The following F10 variants were observed in gnomAD, a reference collection of about 807,000 sequenced individuals.
F10 encodes Stuart-Prower factor.
Under a neutral mutation model 37.1 loss-of-function variants are expected in F10, and 29 were observed. The observed-to-expected ratio is 0.78, with a 90% confidence interval of 0.58 to 1.07. F10 has a LOEUF of 1.07. Among genes scored for constraint, F10 ranks in the 50% least tolerant of loss-of-function variants. The pLI, the probability that F10 is intolerant of heterozygous loss-of-function variation, is 0.00. For missense variants in F10, 539 were observed against 667.9 expected (o/e 0.81, Z 2.13); for synonymous variants, 262 against 268.6 (o/e 0.98, Z 0.24).
chr13:113,126,510 A>T (rs1236766470), intron 1 of F10, among the ~76,000 whole-genome samples: 2 of 152,162 alleles, frequency 1.3e-5, no homozygotes, highest in African/African-American at 4.8e-5. Flanking sequence ...CAAGGGATCG[A>T]CCAGAGACAG....
At position 113,144,124 on chromosome 13, in the gene F10, C is replaced by T; in HGVS notation, c.747+29C>T. ...ACAGTAGGATGTCCCCTCGGGCCTG[C>T]TGGAGAGACCACCTGTCCCGCTGTG... On this transcript the variant is annotated intron_variant, in intron 6 of 7. Coordinates refer to ENST00000375559, the MANE Select transcript of F10 (RefSeq NM_000504.4). The surrounding 1 kb of genome is among the most constrained non-coding windows in gnomAD (Gnocchi z 6.4). The T allele has an allele frequency of 3.7e-6, 6 of 1,612,608 alleles. No individual in the cohort carries two copies. The highest frequency in any genetic ancestry group is 5.1e-6 in the Non-Finnish European group (6 of 1,179,916).
intron 2 of F10, chr13:113,131,084 T>C (rs529149623): frequency 1.6e-4 from 25 of 152,324 alleles, no homozygotes; most frequent in African/African-American, 6.0e-4. Flanking sequence ...GATCACCACA[T>C]ATATGACAAG....
chr13:113,145,572 T>C (rs536431474), intron 6 of F10, among the ~76,000 whole-genome samples: 14 of 152,246 alleles, frequency 9.2e-5, no homozygotes, highest in Non-Finnish European at 1.9e-4. Context: ...AAACTAGGTG[T>C]ATTAGTCAGT....
In F10 at chr13:113,141,595, G is replaced by T. The variant is rs536495935; in HGVS notation, c.502+545G>T. 6.6e-6 allele frequency among the ~76,000 whole-genome samples: 1 copy of T among 152,344 alleles called. No individual in the cohort carries two copies. The highest frequency in any genetic ancestry group is 2.1e-4 in the South Asian group (1 of 4,828). ...TGAATGTGGACAACAGGCGGCCAGA[G>T]GGCAGTGAGCACAGGACAGGCAGGG... On this transcript the variant is annotated intron_variant, in intron 5 of 7. Transcript: ENST00000375559. The surrounding 1 kb of genome is among the most constrained non-coding windows in gnomAD (Gnocchi z 5.4).
intron 7 of F10, among the ~76,000 whole-genome samples, chr13:113,147,764 C>T (rs905737243): frequency 6.6e-6 from 1 of 152,074 alleles, no homozygotes; most frequent in Non-Finnish European, 1.5e-5. Context: ...CTCTGGGTCC[C>T]GGGTCTCTGG....
At position 113,141,212 on chromosome 13, in the gene F10, G is replaced by T. The variant is rs2036525144; in HGVS notation, c.502+162G>T. Among the ~76,000 whole-genome samples, 1 of 152,198 alleles carries T rather than the reference G, an allele frequency of 6.6e-6. No individual in the cohort carries two copies. The highest frequency in any genetic ancestry group is 1.5e-5 in the Non-Finnish European group (1 of 68,034). ...TGAGCCCTGGGCTCCGGGCCCAGGT[G>T]GTTCAAACATGAAGACCATGAGGTT... On this transcript the variant is annotated intron_variant, in intron 5 of 7. Coordinates refer to ENST00000375559, the MANE Select transcript of F10 (RefSeq NM_000504.4). The surrounding 1 kb of genome is among the most constrained non-coding windows in gnomAD (Gnocchi z 5.4).
At chr13:113,148,399 T>TATACACACAC (rs138750596) in intron 7 of F10, among the ~76,000 whole-genome samples, 45 of 138,620 alleles carry the variant, frequency 3.2e-4, no homozygotes, top group East Asian at 1.3e-3. Context: ...TACATATATA[T>TATACACACAC]ACACACACAC....
Position 113,143,659 on chromosome 13 carries a change from G to A in F10, c.503-192G>A, listed in dbSNP as rs3211780. On this transcript the variant is annotated intron_variant, in intron 5 of 7. Transcript: ENST00000375559. The surrounding 1 kb of genome is among the most constrained non-coding windows in gnomAD (Gnocchi z 6.8). ...GTCACCTGAGGGGAGGCCAACGCTCGGACAGCTGCGCTCACCTGCAGATCC... is the reference window on the plus strand; with the variant it reads ...GTCACCTGAGGGGAGGCCAACGCTCAGACAGCTGCGCTCACCTGCAGATCC... Among the ~76,000 whole-genome samples, 1,830 of 152,178 alleles carry A rather than the reference G, an allele frequency of 0.012. 33 individuals are homozygous for A. The highest frequency in any genetic ancestry group is 0.041 in the African/African-American group (1,718 of 41,510).
intron 1 of F10, among the ~76,000 whole-genome samples, chr13:113,124,452 C>T (rs578231082): frequency 5.9e-5 from 9 of 152,318 alleles, no homozygotes; most frequent in Admixed American, 1.3e-4. Flanking sequence ...TGTGGTGTCC[C>T]CGGGGGCCGG....
At position 113,139,282 on chromosome 13, in the gene F10, G is replaced by T; in HGVS notation, c.257-75G>T. On this transcript the variant is annotated intron_variant, in intron 3 of 7. Transcript: ENST00000375559. The surrounding 1 kb of genome is among the most constrained non-coding windows in gnomAD (Gnocchi z 5.2). ...CAGTTATCTGAACGGCAGGGCCAAG[G>T]TTAGCACAGCAAAACTGTTTCCATG... is the stretch of plus-strand genomic sequence containing the variant. 8.1e-7 allele frequency: 1 copy of T among 1,239,876 alleles called. No homozygotes were observed. Among genetic ancestry groups the T allele is most frequent in the East Asian group, 2.4e-5 (1 of 41,552 alleles). The allele number at this position is 1,239,876 out of a possible 1,614,324, so 76.8% of individuals were successfully genotyped here. A position where few individuals can be genotyped will look rare whatever the true frequency, so the allele number is the denominator to read the frequency against.
chr13:113,133,556 A>G (rs1251826105), intron 2 of F10, among the ~76,000 whole-genome samples: 2 of 152,172 alleles, frequency 1.3e-5, no homozygotes, highest in African/African-American at 4.8e-5. Context: ...CCTTCTGAAA[A>G]AGTAATGTTC....
At chr13:113,138,336 A>G (rs111672980) in intron 2 of F10, 121 bp from the exon 3 acceptor site, 18 of 575,126 alleles carry the variant, frequency 3.1e-5, no homozygotes, top group African/African-American at 1.5e-4. Context: ...ATTCATTCCT[A>G]AAAGTGACTT....
Position 113,129,684 on chromosome 13 carries a change from C to A in F10, c.231+72C>A. 6 of 1,596,270 alleles carry A rather than the reference C, an allele frequency of 3.8e-6. No homozygotes were observed. In the South Asian group the frequency reaches 5.5e-5, roughly 15 times the overall value. Reference sequence around the variant, plus strand: ...AGCGCCCTCGCTGGCCCCGCTGCTCCGTCCATCCAGGGGGGCGGCCTGGAG... The same window carrying A: ...AGCGCCCTCGCTGGCCCCGCTGCTCAGTCCATCCAGGGGGGCGGCCTGGAG... On this transcript the variant is annotated intron_variant, in intron 2 of 7. Coordinates refer to ENST00000375559, the MANE Select transcript of F10 (RefSeq NM_000504.4).
At chr13:113,138,124 G>A (rs2036495998) in intron 2 of F10, among the ~76,000 whole-genome samples, 1 of 152,212 alleles carries the variant, frequency 6.6e-6, no homozygotes, top group East Asian at 1.9e-4. Flanking sequence ...CTCAGGCATA[G>A]CAACTAAAAA....
Position 113,141,724 on chromosome 13 carries a change from G to A in F10, c.502+674G>A, listed in dbSNP as rs1019572574. Among the ~76,000 whole-genome samples the A allele has an allele frequency of 6.6e-6, 1 of 152,144 alleles. No individual in the cohort carries two copies. The highest frequency in any genetic ancestry group is 1.5e-5 in the Non-Finnish European group (1 of 68,030). ...ACTTCCACACGGCCAGCACACATGA[G>A]GCCCTCGAAGGCGGGGCCTAGGCGT... On this transcript the variant is annotated intron_variant, in intron 5 of 7. Coordinates refer to ENST00000375559, the MANE Select transcript of F10 (RefSeq NM_000504.4). The surrounding 1 kb of genome is among the most constrained non-coding windows in gnomAD (Gnocchi z 5.4).
intron 6 of F10, among the ~76,000 whole-genome samples, chr13:113,145,172 G>A (rs1414931337): frequency 6.6e-6 from 1 of 152,116 alleles, no homozygotes; most frequent in African/African-American, 2.4e-5. Context: ...GAGACAATGT[G>A]CCCGGCCATG....
At chr13:113,129,660 G>A (rs902845205) in intron 2 of F10, 48 bp downstream of exon 2, 16 of 1,611,932 alleles carry the variant, frequency 9.9e-6, no homozygotes, top group Non-Finnish European at 1.3e-5. Context: ...TCAGGCCACA[G>A]CGCCCTCGCT....
chr13:113,125,767 TA>T (rs1374405547), intron 1 of F10, among the ~76,000 whole-genome samples: 1 of 152,172 alleles, frequency 6.6e-6, no homozygotes, highest in East Asian at 1.9e-4. Context: ...CCTCAACACA[TA>T]TTGGTTAAGT....
At position 113,141,485 on chromosome 13, in the gene F10, TG is replaced by T. The variant is rs1266199775; in HGVS notation, c.502+438del. 2.6e-5 allele frequency among the ~76,000 whole-genome samples: 4 copies of T among 152,094 alleles called. No homozygotes were observed. The highest frequency in any genetic ancestry group is 1.5e-5 in the Non-Finnish European group (1 of 67,994). On this transcript the variant is annotated intron_variant, in intron 5 of 7. Coordinates refer to ENST00000375559, the MANE Select transcript of F10 (RefSeq NM_000504.4). The surrounding 1 kb of genome is among the most constrained non-coding windows in gnomAD (Gnocchi z 5.4). ...AGGAACTGGAGCTAAGGTGCGGGGC[TG>T]GGATAGGAGTCAGGGGACGCTCAGG... is the stretch of plus-strand genomic sequence containing the variant.
Sources: allele counts gnomAD v4.1 joint callset (sites outside exome capture counted in the v4.1 genomes callset), GRCh38; gene constraint gnomAD v4.1.1; non-coding constraint Gnocchi (gnomAD v3.1); transcripts MANE v1.5; gene names NCBI Gene and HGNC (gene_info 2026-07-23, HGNC 2026-07-21).